The following LINGO2 variants were observed in gnomAD, a reference collection of about 807,000 sequenced individuals.
The protein encoded by LINGO2 is leucine rich repeat and Ig domain containing 2, also known as leucine-rich repeat and immunoglobulin-like domain-containing nogo receptor-interacting protein 2.
In LINGO2, 14 loss-of-function variants were observed where a neutral mutation model predicts 30.6. The ratio of observed to expected loss-of-function variants is 0.46; its 90% CI spans 0.30 to 0.72. The LOEUF (loss-of-function observed/expected upper bound fraction) is 0.72, where lower values mean the gene tolerates loss of function less well. LINGO2 is among the 30% of genes least tolerant of loss of function. The probability of loss-of-function intolerance (pLI) is 0.07; values close to 1 mark genes in which losing one functional copy is unlikely to be tolerated. For missense variants in LINGO2, 729 were observed against 751.7 expected (o/e 0.97, Z 0.35); for synonymous variants, 317 against 288.5 (o/e 1.10, Z -1.00).
intron 4 of LINGO2, among the ~76,000 whole-genome samples, chr9:28,093,196 G>T (rs1339183730): frequency 6.6e-6 from 1 of 152,060 alleles, no homozygotes; most frequent in Non-Finnish European, 1.5e-5. Flanking sequence ...CTGCCTAAGA[G>T]AAAGAAATGT....
chr9:27,968,586 C>T (rs1173938370), intron 5 of LINGO2, among the ~76,000 whole-genome samples: 1 of 151,836 alleles, frequency 6.6e-6, no homozygotes. Flanking sequence ...AGGAGTTCTG[C>T]TTTCTCTTCA....
intron 1 of LINGO2, among the ~76,000 whole-genome samples, chr9:28,644,313 G>C (rs1193142413): frequency 6.6e-6 from 1 of 151,940 alleles, no homozygotes; most frequent in Non-Finnish European, 1.5e-5. Flanking sequence ...TGGATGAGTG[G>C]ATAAAGAAAA....
intron 5 of LINGO2, among the ~76,000 whole-genome samples, chr9:27,971,151 C>T (rs1820332149): frequency 6.6e-6 from 1 of 151,910 alleles, no homozygotes; most frequent in Admixed American, 6.6e-5. Flanking sequence ...CTGTATTTTT[C>T]ACAATAAACA....
intron 5 of LINGO2, among the ~76,000 whole-genome samples, chr9:27,955,021 TG>T (rs1232722713): frequency 1.3e-5 from 2 of 152,188 alleles, no homozygotes; most frequent in African/African-American, 4.8e-5. Context: ...GCATGCATTT[TG>T]TTTTCATATT....
chr9:28,135,957 G>A (rs1253587139), intron 4 of LINGO2, among the ~76,000 whole-genome samples: 3 of 151,994 alleles, frequency 2.0e-5, no homozygotes, highest in Admixed American at 6.6e-5. Flanking sequence ...TATGAACAGA[G>A]GTCTGTATAG....
the LINGO2 span, among the ~76,000 whole-genome samples, chr9:29,019,921 G>T: frequency 6.6e-6 from 1 of 152,090 alleles, no homozygotes; most frequent in African/African-American, 2.4e-5. Context: ...TCAGTGGGGA[G>T]ATTTTCAGTG....
chr9:28,050,901 A>G (rs535601301), intron 4 of LINGO2, among the ~76,000 whole-genome samples: 1 of 151,216 alleles, frequency 6.6e-6, no homozygotes, highest in Non-Finnish European at 1.5e-5. Flanking sequence ...ATTAATCTAC[A>G]GATGAGTTTT....
the LINGO2 span, chr9:27,943,058 T>C: frequency 3.9e-5 from 6 of 152,104 alleles, no homozygotes; most frequent in African/African-American, 1.4e-4. Context: ...TGGACATACA[T>C]TGTAAAGAAT....
At chr9:28,659,142 A>C (rs932920992) in intron 1 of LINGO2, among the ~76,000 whole-genome samples, 47 of 152,216 alleles carry the variant, frequency 3.1e-4, no homozygotes, top group African/African-American at 9.1e-4. Flanking sequence ...CCACAGTGGA[A>C]ATATAGCACT....
chr9:29,165,586 G>A, the LINGO2 span, among the ~76,000 whole-genome samples: 2 of 151,886 alleles, frequency 1.3e-5, no homozygotes, highest in Non-Finnish European at 2.9e-5. Flanking sequence ...TAAGCACTCA[G>A]GCTTAACTTT....
intron 3 of LINGO2, among the ~76,000 whole-genome samples, chr9:28,337,640 C>T (rs1825633200): frequency 6.6e-6 from 1 of 152,144 alleles, no homozygotes; most frequent in South Asian, 2.1e-4. Flanking sequence ...AGCCTTGGGA[C>T]ATGGTTCCCT....
the LINGO2 span, among the ~76,000 whole-genome samples, chr9:29,160,583 G>A: frequency 6.6e-6 from 1 of 150,402 alleles, no homozygotes; most frequent in African/African-American, 2.4e-5. Flanking sequence ...ACATTCCAAT[G>A]GTAACATTTG....
intron 3 of LINGO2, among the ~76,000 whole-genome samples, chr9:28,347,490 A>G (rs1361977780): frequency 6.6e-6 from 1 of 152,100 alleles, no homozygotes; most frequent in Non-Finnish European, 1.5e-5. Flanking sequence ...TGTCAATACA[A>G]TCCATCAATC....
the LINGO2 span, chr9:27,942,847 TG>T: frequency 9.9e-5 from 15 of 152,068 alleles, no homozygotes; most frequent in African/African-American, 3.6e-4. Flanking sequence ...AATTATGATT[TG>T]GGGTATTCTA....
At chr9:28,179,577 TGTA>T (rs1247988750) in intron 4 of LINGO2, among the ~76,000 whole-genome samples, 1 of 140,986 alleles carries the variant, frequency 7.1e-6, no homozygotes, top group African/African-American at 2.6e-5. Context: ...GTATACGATA[TGTA>T]GTATTTTATA....
chr9:28,159,496 C>A (rs1306838621), intron 4 of LINGO2, among the ~76,000 whole-genome samples: 1 of 151,694 alleles, frequency 6.6e-6, no homozygotes, highest in Non-Finnish European at 1.5e-5. Context: ...TTGTGGAGTA[C>A]AATATGATGT....
intron 2 of LINGO2, among the ~76,000 whole-genome samples, chr9:28,462,802 G>A (rs550162719): frequency 1.3e-5 from 2 of 151,972 alleles, no homozygotes; most frequent in Non-Finnish European, 2.9e-5. Context: ...GAGTAACTTG[G>A]TTGTGAGTGG....
chr9:28,491,357 A>G (rs1826388792), intron 1 of LINGO2, among the ~76,000 whole-genome samples: 1 of 152,162 alleles, frequency 6.6e-6, no homozygotes, highest in African/African-American at 2.4e-5. Flanking sequence ...TATCTGTTTT[A>G]GAAGGACCCT....
chr9:28,294,568 CAA>C (rs1319532647), intron 4 of LINGO2, among the ~76,000 whole-genome samples: 2 of 151,850 alleles, frequency 1.3e-5, no homozygotes, highest in Admixed American at 1.3e-4. Context: ...AAGATCTGAC[CAA>C]AATATGGTTA....
Sources: allele counts gnomAD v4.1 joint callset (sites outside exome capture counted in the v4.1 genomes callset), GRCh38; gene constraint gnomAD v4.1.1; transcripts MANE v1.5; gene names NCBI Gene and HGNC (gene_info 2026-07-23, HGNC 2026-07-21).